CTNNA3: variants seen among roughly 807,000 people sequenced by gnomAD.
CTNNA3 encodes the protein catenin alpha 3.
A neutral mutation model predicts 95.7 loss-of-function variants in CTNNA3; 76 were observed. The observed-to-expected ratio is 0.79, with a 90% CI of 0.66 to 0.96. The LOEUF (loss-of-function observed/expected upper bound fraction) is 0.96. CTNNA3 is among the 40% of genes least tolerant of loss of function. The pLI is 0.00. For missense variants in CTNNA3, 1,191 were observed against 1,089.8 expected (o/e 1.09, Z -1.31); for synonymous variants, 431 against 374.4 (o/e 1.15, Z -1.74).
chr10:66,248,951 A>C (rs1419635141), intron 13 of CTNNA3, among the ~76,000 whole-genome samples: 1 of 152,178 alleles, frequency 6.6e-6, no homozygotes, highest in Non-Finnish European at 1.5e-5. Context: ...ATTAAAACAG[A>C]CACATAGACC....
chr10:67,250,707 T>C (rs1018629439), intron 5 of CTNNA3, among the ~76,000 whole-genome samples: 7 of 152,102 alleles, frequency 4.6e-5, no homozygotes, highest in East Asian at 3.9e-4. Flanking sequence ...TACAAATAGA[T>C]CACATATGCA....
Position 65,919,446 on chromosome 10 carries a change from T to C in CTNNA3, c.*884A>G, listed in dbSNP as rs2077048912. On this transcript the variant is annotated 3_prime_UTR_variant, in exon 18 of 18. Transcript: ENST00000433211. ...ATTGCAAGCTGATAAAAATGTATTT[T>C]TATGTTTGTAAAAATAGGGTCATAC... The C allele has an allele frequency of 1.3e-5, 2 of 152,236 alleles. No individual in the cohort carries two copies. The allele number at this position is 152,236 out of a possible 1,614,324, so 9.4% of individuals were successfully genotyped here. A position where few individuals can be genotyped will look rare whatever the true frequency, so the allele number is the denominator to read the frequency against.
intron 9 of CTNNA3, among the ~76,000 whole-genome samples, chr10:66,738,684 T>C (rs1222116985): frequency 3.3e-5 from 5 of 152,174 alleles, no homozygotes; most frequent in African/African-American, 7.2e-5. Flanking sequence ...TGTATTCATT[T>C]TAATCTCCAT....
intron 13 of CTNNA3, among the ~76,000 whole-genome samples, chr10:66,115,578 A>AC (rs368222088): frequency 1.5e-3 from 195 of 130,874 alleles, no homozygotes; most frequent in East Asian, 2.5e-3. Flanking sequence ...AGACAGATAG[A>AC]TGATAGATAG....
chr10:67,700,396 C>G (rs1048043705), upstream of CTNNA3, among the ~76,000 whole-genome samples: 1 of 152,308 alleles, frequency 6.6e-6, no homozygotes, highest in Admixed American at 6.5e-5. Flanking sequence ...CAGACTGACA[C>G]CTCACACGGC....
intron 7 of CTNNA3, among the ~76,000 whole-genome samples, chr10:66,802,881 T>A (rs907129067): frequency 4.6e-5 from 7 of 151,926 alleles, no homozygotes; most frequent in Admixed American, 2.0e-4. Context: ...GACTTACACA[T>A]CTAGATAAAT....
At chr10:67,231,569 T>A (rs1050393212) in intron 5 of CTNNA3, among the ~76,000 whole-genome samples, 1 of 152,000 alleles carries the variant, frequency 6.6e-6, no homozygotes, top group African/African-American at 2.4e-5. Flanking sequence ...ACCACAAAGA[T>A]GTGGAAAAAA....
At position 67,310,404 on chromosome 10, in the gene CTNNA3, AACTT is replaced by A. The variant is rs527998627; in HGVS notation, c.580-90538_580-90535del. ...TGTCCTTCACACACACACACAAAAA[AACTT>A]CTTTTTAAAAGCAAAGTTTTCTGAG... is the stretch of plus-strand genomic sequence containing the variant. On this transcript the variant is annotated intron_variant, in intron 5 of 17. Coordinates refer to ENST00000433211, the MANE Select transcript of CTNNA3 (RefSeq NM_013266.4). 1.1e-4 allele frequency among the ~76,000 whole-genome samples: 17 copies of A among 152,266 alleles called. No homozygotes were observed. The South Asian group carries it at 3.5e-3, about 32-fold the overall frequency.
intron 11 of CTNNA3, among the ~76,000 whole-genome samples, chr10:66,401,283 C>G (rs1170011980): frequency 6.6e-6 from 1 of 151,932 alleles, no homozygotes; most frequent in Non-Finnish European, 1.5e-5. Context: ...TCCCAGCACG[C>G]TGGGAGGCTG....
chr10:66,650,485 C>A (rs1039194691), intron 9 of CTNNA3, among the ~76,000 whole-genome samples: 3 of 152,116 alleles, frequency 2.0e-5, no homozygotes, highest in Non-Finnish European at 4.4e-5. Context: ...AAAAGAGAGA[C>A]ACAAAACAGC....
intron 3 of CTNNA3, among the ~76,000 whole-genome samples, chr10:67,586,685 T>C (rs1467157842): frequency 6.6e-6 from 1 of 152,158 alleles, no homozygotes; most frequent in Non-Finnish European, 1.5e-5. Flanking sequence ...TCTATATGTG[T>C]CTTTTCAGGT....
rs971116181 is a variant in CTNNA3, at chr10:67,453,926, T to C, written c.579+67916A>G. 7.2e-5 allele frequency among the ~76,000 whole-genome samples: 11 copies of C among 152,334 alleles called. No homozygotes were observed. In the South Asian group the frequency reaches 2.3e-3, roughly 32 times the overall value. ...GTGGATAGAAACCATCAAAGCCATA[T>C]GTATACTTAAAAACAACAGACACTG... On this transcript the variant is annotated intron_variant, in intron 5 of 17. Coordinates refer to ENST00000433211, the MANE Select transcript of CTNNA3 (RefSeq NM_013266.4).
At chr10:67,467,867 T>C (rs1285919350) in intron 5 of CTNNA3, among the ~76,000 whole-genome samples, 1 of 151,870 alleles carries the variant, frequency 6.6e-6, no homozygotes, top group African/African-American at 2.4e-5. Flanking sequence ...TGCCCCACCA[T>C]GCCTGGCTAA....
intron 5 of CTNNA3, among the ~76,000 whole-genome samples, chr10:67,300,142 A>G (rs760553617): frequency 2.0e-5 from 3 of 152,184 alleles, no homozygotes; most frequent in Non-Finnish European, 4.4e-5. Context: ...AGCCCCCAAC[A>G]TAAGTCTGAC....
intron 5 of CTNNA3, among the ~76,000 whole-genome samples, chr10:67,382,178 C>T (rs1406657385): frequency 6.6e-6 from 1 of 151,982 alleles, no homozygotes; most frequent in East Asian, 1.9e-4. Context: ...TCAAGTTTTC[C>T]AGGATGTTTT....
intron 5 of CTNNA3, among the ~76,000 whole-genome samples, chr10:67,303,331 C>A (rs1009029770): frequency 6.6e-5 from 10 of 152,180 alleles, no homozygotes; most frequent in African/African-American, 2.4e-4. Context: ...AACAAAGTCT[C>A]ATTTTCTCCC....
At chr10:66,376,892 A>G (rs1467655471) in intron 12 of CTNNA3, among the ~76,000 whole-genome samples, 1 of 152,174 alleles carries the variant, frequency 6.6e-6, no homozygotes, top group Admixed American at 6.5e-5. Context: ...AAGCAGACGC[A>G]AACAACGATG....
At chr10:67,095,823 T>C (rs1857956040) in intron 7 of CTNNA3, among the ~76,000 whole-genome samples, 1 of 151,900 alleles carries the variant, frequency 6.6e-6, no homozygotes. Flanking sequence ...TCTATTTTTG[T>C]TCTCTTCTAT....
intron 5 of CTNNA3, among the ~76,000 whole-genome samples, chr10:67,274,073 A>G (rs1839090850): frequency 6.6e-6 from 1 of 152,212 alleles, no homozygotes; most frequent in South Asian, 2.1e-4. Flanking sequence ...AAAACATTGG[A>G]AAATAACTAT....
Sources: allele counts gnomAD v4.1 joint callset (sites outside exome capture counted in the v4.1 genomes callset), GRCh38; gene constraint gnomAD v4.1.1; transcripts MANE v1.5; gene names NCBI Gene and HGNC (gene_info 2026-07-23, HGNC 2026-07-21).